Variants in GRIA2 observed in about 807,000 individuals in gnomAD.
GRIA2 encodes glutamate receptor 2.
A neutral mutation model predicts 97.3 loss-of-function variants in GRIA2; 14 were observed. The observed-to-expected ratio is 0.14, with a 90% CI of 0.10 to 0.23. GRIA2 has a LOEUF of 0.23. GRIA2 is among the 10% of genes least tolerant of loss of function. The pLI is 1.00. For synonymous variants in GRIA2, 412 were observed against 387.8 expected, an observed-to-expected ratio of 1.06 and a Z score of -0.73; for missense variants, 558 against 1,069.8, an observed-to-expected ratio of 0.52 and a Z score of 6.67.
Position 157,317,671 on chromosome 4 carries a change from GA to G in GRIA2, c.684del (p.Lys228AsnfsTer21). On this transcript the variant is annotated frameshift_variant, in exon 5 of 16. Transcript: ENST00000264426. LOFTEE classifies it high-confidence loss of function. Reference protein sequence around the residue: ...NDIVDQVITIGKHVKGYHYII... With the variant: ...NDIVDQVITIXKHVKGYHYII... ...TGTGCTTATTAGGTTATTACCATTG[GA>G]AAACATGTTAAAGGGTACCACTACA... 6 of 1,216,704 alleles carry G rather than the reference GA, an allele frequency of 4.9e-6. No homozygotes were observed. Among genetic ancestry groups the G allele is most frequent in the South Asian group, 1.3e-5 (1 of 77,850 alleles). 75.4% of individuals were successfully genotyped at this position (1,216,704 alleles called of 1,614,324 possible).
At chr4:157,338,008 G>GTATATATA (rs70958818) in intron 11 of GRIA2, among the ~76,000 whole-genome samples, 30 of 79,288 alleles carry the variant, frequency 3.8e-4, no homozygotes, top group African/African-American at 5.5e-4. Context: ...ATATATATGT[G>GTATATATA]TATATATATA....
At chr4:157,341,569 C>T in intron 12 of GRIA2, 107 bp downstream of exon 12, 4 of 728,124 alleles carry the variant, frequency 5.5e-6, no homozygotes, top group Non-Finnish European at 9.6e-6. Context: ...GAAAGCACCC[C>T]TAATTCTATT....
chr4:157,246,353 G>T (rs1447502399), intron 2 of GRIA2, among the ~76,000 whole-genome samples: 1 of 151,952 alleles, frequency 6.6e-6, no homozygotes, highest in Non-Finnish European at 1.5e-5. Context: ...TTTATATATA[G>T]AAAGTGCTCA....
intron 2 of GRIA2, among the ~76,000 whole-genome samples, chr4:157,222,357 C>A (rs1340915679): frequency 6.6e-6 from 1 of 152,226 alleles, no homozygotes; most frequent in African/African-American, 2.4e-5. Flanking sequence ...CCATGTTCTC[C>A]TCTTTGGGAC....
intron 6 of GRIA2, among the ~76,000 whole-genome samples, chr4:157,332,079 T>C (rs1245586806): frequency 6.6e-6 from 1 of 152,042 alleles, no homozygotes; most frequent in African/African-American, 2.4e-5. Context: ...ATTTGGCAAA[T>C]GGTAGTATAG....
intron 12 of GRIA2, among the ~76,000 whole-genome samples, chr4:157,353,019 C>T (rs1287793369): frequency 6.6e-6 from 1 of 151,734 alleles, no homozygotes; most frequent in Non-Finnish European, 1.5e-5. Flanking sequence ...GATCGTGCCA[C>T]TGCACTTCAG....
chr4:157,261,465 T>C (rs1731530891), intron 2 of GRIA2, among the ~76,000 whole-genome samples: 1 of 152,112 alleles, frequency 6.6e-6, no homozygotes, highest in African/African-American at 2.4e-5. Context: ...TTTTTAAGTG[T>C]TATTTTATCC....
chr4:157,348,094 A>C (rs1471465050), intron 12 of GRIA2, among the ~76,000 whole-genome samples: 2 of 152,102 alleles, frequency 1.3e-5, no homozygotes, highest in Non-Finnish European at 1.5e-5. Flanking sequence ...CCAGCCGGGC[A>C]ACAGAGTGAG....
At chr4:157,319,256 C>G (rs1307772811) in intron 5 of GRIA2, among the ~76,000 whole-genome samples, 1 of 152,096 alleles carries the variant, frequency 6.6e-6, no homozygotes. Context: ...TGATGAACAA[C>G]ACAGAGCCAC....
At chr4:157,267,708 T>C (rs1731835283) in intron 2 of GRIA2, among the ~76,000 whole-genome samples, 1 of 152,104 alleles carries the variant, frequency 6.6e-6, no homozygotes, top group Non-Finnish European at 1.5e-5. Flanking sequence ...GGGAATTTTT[T>C]GCACTGTCAC....
chr4:157,239,280 G>A (rs1359437175), intron 2 of GRIA2, among the ~76,000 whole-genome samples: 4 of 151,996 alleles, frequency 2.6e-5, no homozygotes, highest in Admixed American at 6.6e-5. Context: ...TAATCAAAAC[G>A]TATTTAATTC....
At chr4:157,253,123 T>G (rs917828240) in intron 2 of GRIA2, among the ~76,000 whole-genome samples, 4 of 141,776 alleles carry the variant, frequency 2.8e-5, no homozygotes, top group South Asian at 2.2e-4. Flanking sequence ...CACCTTTTTG[T>G]TTTTTTTTTT....
chr4:157,279,732 A>G (rs527638378), intron 2 of GRIA2, among the ~76,000 whole-genome samples: 12 of 152,296 alleles, frequency 7.9e-5, no homozygotes, highest in African/African-American at 2.6e-4. Context: ...TTATCAATGT[A>G]TTTAGGAATA....
chr4:157,261,330 T>G (rs1342693878), intron 2 of GRIA2, among the ~76,000 whole-genome samples: 3 of 152,172 alleles, frequency 2.0e-5, no homozygotes, highest in Admixed American at 2.0e-4. Flanking sequence ...ACCTTTGCAT[T>G]CAAAATGTGG....
chr4:157,253,996 A>G (rs1227018443), intron 2 of GRIA2, among the ~76,000 whole-genome samples: 11 of 152,100 alleles, frequency 7.2e-5, no homozygotes, highest in Admixed American at 7.2e-4. Flanking sequence ...ATAAAAGAGT[A>G]AAAGTACACG....
At chr4:157,297,383 T>A (rs935918347) in intron 2 of GRIA2, among the ~76,000 whole-genome samples, 7 of 152,162 alleles carry the variant, frequency 4.6e-5, no homozygotes, top group African/African-American at 1.7e-4. Flanking sequence ...TGGTGCATGA[T>A]TAATAAATAG....
At chr4:157,227,984 C>T (rs1366269990) in intron 2 of GRIA2, among the ~76,000 whole-genome samples, 2 of 152,158 alleles carry the variant, frequency 1.3e-5, no homozygotes, top group Non-Finnish European at 2.9e-5. Flanking sequence ...CATAAGATGT[C>T]TAACACCTAT....
intron 2 of GRIA2, among the ~76,000 whole-genome samples, 161 bp from the exon 3 acceptor site, chr4:157,303,391 G>C (rs1468279301): frequency 6.6e-6 from 1 of 152,120 alleles, no homozygotes; most frequent in Non-Finnish European, 1.5e-5. Context: ...AGAATGCTAA[G>C]TAAATAAGTG....
intron 2 of GRIA2, among the ~76,000 whole-genome samples, chr4:157,276,457 T>G (rs1732317385): frequency 6.6e-6 from 1 of 151,814 alleles, no homozygotes; most frequent in African/African-American, 2.4e-5. Flanking sequence ...TACTCCAAAT[T>G]TCTACTTTAG....
Sources: allele counts gnomAD v4.1 joint callset (sites outside exome capture counted in the v4.1 genomes callset), GRCh38; gene constraint gnomAD v4.1.1; transcripts MANE v1.5; gene names NCBI Gene and HGNC (gene_info 2026-07-23, HGNC 2026-07-21).